AUTS2: variants seen among roughly 807,000 people sequenced by gnomAD.
The protein encoded by AUTS2 is activator of transcription and developmental regulator AUTS2, also known as autism susceptibility gene 2 protein.
AUTS2 carries 17 observed loss-of-function variants against 112.4 expected under a neutral mutation model. The observed-to-expected ratio is 0.15, with a 90% CI of 0.10 to 0.23. The LOEUF (loss-of-function observed/expected upper bound fraction) is 0.23. Among genes scored for constraint, AUTS2 ranks in the 10% least tolerant of loss-of-function variants. AUTS2 has a pLI of 1.00. For missense variants in AUTS2, 1,510 were observed against 1,701.6 expected (o/e 0.89, Z 1.98); for synonymous variants, 751 against 702.7 (o/e 1.07, Z -1.09).
chr7:69,738,156 A>G (rs1787113679), intron 1 of AUTS2, among the ~76,000 whole-genome samples: 1 of 152,050 alleles, frequency 6.6e-6, no homozygotes, highest in African/African-American at 2.4e-5. Context: ...GTAAAGTTCA[A>G]TGCAAGGGGG....
chr7:69,648,846 T>G (rs1223405590), intron 1 of AUTS2, among the ~76,000 whole-genome samples: 1 of 151,982 alleles, frequency 6.6e-6, no homozygotes, highest in Non-Finnish European at 1.5e-5. Context: ...TGCCTTGAGT[T>G]CCTTGGGGGA....
chr7:69,955,075 G>A (rs1414671361), intron 2 of AUTS2, among the ~76,000 whole-genome samples: 2 of 152,190 alleles, frequency 1.3e-5, no homozygotes, highest in East Asian at 3.9e-4. Context: ...TGCTTAGGCT[G>A]TCTTCATGAA....
chr7:69,627,045 A>G (rs116959664), intron 1 of AUTS2, among the ~76,000 whole-genome samples: 1 of 152,254 alleles, frequency 6.6e-6, no homozygotes. Context: ...TTCTTGAATG[A>G]TAAGATGCCT....
chr7:70,060,761 A>G (rs1802208585), intron 2 of AUTS2, among the ~76,000 whole-genome samples: 1 of 152,190 alleles, frequency 6.6e-6, no homozygotes. Context: ...AAATCGTGCT[A>G]GGCCATGCAG....
chr7:69,695,683 G>T (rs1797529261), intron 1 of AUTS2, among the ~76,000 whole-genome samples: 1 of 151,986 alleles, frequency 6.6e-6, no homozygotes, highest in Admixed American at 6.6e-5. Context: ...ATAATATTTT[G>T]CTATATTTTA....
chr7:69,891,577 T>C (rs1431231011), intron 1 of AUTS2, among the ~76,000 whole-genome samples: 1 of 152,012 alleles, frequency 6.6e-6, no homozygotes, highest in African/African-American at 2.4e-5. Context: ...GTGGTTGTGC[T>C]GTTTCATATT....
intron 5 of AUTS2, among the ~76,000 whole-genome samples, chr7:70,482,200 C>G (rs1362865054): frequency 6.6e-6 from 1 of 152,146 alleles, no homozygotes; most frequent in Non-Finnish European, 1.5e-5. Context: ...CTTAAAACCT[C>G]TGGAGGACAA....
chr7:70,487,231 G>GCC (rs542801192), intron 5 of AUTS2, among the ~76,000 whole-genome samples: 1 of 151,606 alleles, frequency 6.6e-6, no homozygotes. Context: ...CCTCCCCCGC[G>GCC]CCCCCCTCCC....
chr7:70,790,940 G>C lies in AUTS2; in HGVS notation c.3724G>C (p.Ala1242Pro). The C allele has an allele frequency of 6.5e-7, 1 of 1,538,062 alleles. No homozygotes were observed. The highest frequency in any genetic ancestry group is 8.7e-7 in the Non-Finnish European group (1 of 1,143,818). Reference sequence around the variant, plus strand: ...TCCCAGAAGGACGACTCCTCTGTCCGCAGAGATAAGGGAGAGGCCCCCTTC... The same window carrying C: ...TCCCAGAAGGACGACTCCTCTGTCCCCAGAGATAAGGGAGAGGCCCCCTTC... ...VSPRRTTPLS[A>P]EIRERPPSHT... Residue 1242 changes from alanine (A) to proline (P), a missense_variant, in exon 19 of 19, where the codon GCA becomes CCA. By Grantham distance (27) the Ala-to-Pro change is conservative. Coordinates refer to ENST00000342771, the MANE Select transcript of AUTS2 (RefSeq NM_015570.4). The surrounding 1 kb of genome is among the most constrained non-coding windows in gnomAD (Gnocchi z 7.6).
intron 4 of AUTS2, among the ~76,000 whole-genome samples, chr7:70,175,022 T>C (rs758246342): frequency 2.0e-5 from 3 of 152,176 alleles, no homozygotes; most frequent in Non-Finnish European, 2.9e-5. Flanking sequence ...TTTCCTCTGA[T>C]GGATCTGGGC....
chr7:70,717,975 A>C (rs926371016), intron 6 of AUTS2, among the ~76,000 whole-genome samples: 1 of 152,194 alleles, frequency 6.6e-6, no homozygotes, highest in Non-Finnish European at 1.5e-5. Flanking sequence ...GGAGTAAAGT[A>C]GATTTACTGA....
chr7:70,555,256 T>G (rs1455555312), intron 5 of AUTS2, among the ~76,000 whole-genome samples: 1 of 152,030 alleles, frequency 6.6e-6, no homozygotes, highest in Non-Finnish European at 1.5e-5. Flanking sequence ...TTCCTGTGAG[T>G]TTATTAGAGC....
intron 2 of AUTS2, among the ~76,000 whole-genome samples, chr7:70,026,790 C>A (rs1800542875): frequency 6.6e-6 from 1 of 152,038 alleles, no homozygotes. Flanking sequence ...TGTAAATGGG[C>A]AGTACAGGAG....
intron 5 of AUTS2, among the ~76,000 whole-genome samples, chr7:70,607,370 A>G (rs1461772071): frequency 6.6e-6 from 1 of 152,338 alleles, no homozygotes; most frequent in Admixed American, 6.5e-5. Flanking sequence ...GCCTATATTT[A>G]AAAACGAACC....
chr7:70,269,070 T>C (rs1787564076), intron 4 of AUTS2, among the ~76,000 whole-genome samples: 1 of 152,182 alleles, frequency 6.6e-6, no homozygotes, highest in Non-Finnish European at 1.5e-5. Flanking sequence ...AATAATGTTA[T>C]ATCATTCTGA....
At chr7:69,816,483 G>A (rs1230969460) in intron 1 of AUTS2, among the ~76,000 whole-genome samples, 2 of 152,162 alleles carry the variant, frequency 1.3e-5, no homozygotes, top group Non-Finnish European at 2.9e-5. Context: ...TCTCCAAACC[G>A]TAGGTAAGCT....
chr7:70,525,787 A>G (rs561480811), intron 5 of AUTS2, among the ~76,000 whole-genome samples: 1 of 152,346 alleles, frequency 6.6e-6, no homozygotes, highest in South Asian at 2.1e-4. Flanking sequence ...GGAAGCCCAC[A>G]GAAGTGAGAG....
rs1460196334 is a variant in AUTS2 at position 70,493,257 on chromosome 7, T to A, written c.690+57476T>A. On this transcript the variant is annotated intron_variant, in intron 5 of 18. Coordinates refer to ENST00000342771, the MANE Select transcript of AUTS2 (RefSeq NM_015570.4). ...ATATGAGCCCTGGTGGTATGTGAGCTCCTTGGGGGAATACATGGTTGTCTT... is the reference window on the plus strand; with the variant it reads ...ATATGAGCCCTGGTGGTATGTGAGCACCTTGGGGGAATACATGGTTGTCTT... Among the ~76,000 whole-genome samples, 3 of 152,232 alleles carry A rather than the reference T, an allele frequency of 2.0e-5. No homozygotes were observed. In the East Asian group the frequency reaches 5.8e-4, roughly 29 times the overall value.
chr7:70,495,944 A>C (rs1299774793), intron 5 of AUTS2, among the ~76,000 whole-genome samples: 14 of 114,800 alleles, frequency 1.2e-4, no homozygotes, highest in South Asian at 3.0e-4. Context: ...ACACACACAC[A>C]CCCCACACAT....
Sources: gnomAD v4.1 joint callset for allele counts (sites outside exome capture counted in the v4.1 genomes callset) on GRCh38, gnomAD v4.1.1 for gene constraint, Gnocchi (gnomAD v3.1) non-coding constraint, MANE v1.5 for transcripts, NCBI Gene and HGNC (gene_info 2026-07-23, HGNC 2026-07-21) for gene names.